DNAL1: variants seen among roughly 807,000 people sequenced by gnomAD.
DNAL1 encodes the protein chromosome 14 open reading frame 168.
A neutral mutation model predicts 29.4 loss-of-function variants in DNAL1; 17 were observed. That is an observed-to-expected ratio of 0.58 (90% CI 0.40 to 0.87). The LOEUF is 0.87. Ranked by LOEUF, DNAL1 falls within the 40% of genes least tolerant of loss-of-function variation. The pLI is 0.00. For synonymous variants in DNAL1, 78 were observed against 76.3 expected, an observed-to-expected ratio of 1.02 and a Z score of -0.12; for missense variants, 188 against 214.1, an observed-to-expected ratio of 0.88 and a Z score of 0.76.
At chr14:73,653,282 G>T (rs532725437) in intron 1 of DNAL1, 6 of 152,240 alleles carry the variant, frequency 3.9e-5, no homozygotes, top group African/African-American at 1.2e-4. Context: ...GTGTGTTTTG[G>T]GGGGGAACTC....
At chr14:73,671,640 A>C in intron 5 of DNAL1, 43 bp downstream of exon 5, 1 of 1,374,860 alleles carries the variant, frequency 7.3e-7, no homozygotes, top group Non-Finnish European at 9.5e-7. Flanking sequence ...TAATTTGCAC[A>C]CATCTATGAA....
chr14:73,649,418 G>A (rs1467420292), intron 1 of DNAL1, among the ~76,000 whole-genome samples: 1 of 151,084 alleles, frequency 6.6e-6, no homozygotes, highest in Non-Finnish European at 1.5e-5. Flanking sequence ...GAGTAGCTGG[G>A]ACTACAGGCG....
At chr14:73,667,887 C>T (rs1019209255) in intron 4 of DNAL1, among the ~76,000 whole-genome samples, 2 of 152,206 alleles carry the variant, frequency 1.3e-5, no homozygotes, top group Non-Finnish European at 2.9e-5. Context: ...CTCTCTCTCA[C>T]ATCCTCTCTA....
At chr14:73,654,700 G>C in intron 1 of DNAL1, 147 bp from the exon 2 acceptor site, 1 of 617,946 alleles carries the variant, frequency 1.6e-6, no homozygotes, top group Non-Finnish European at 2.5e-6. Flanking sequence ...CAGAGGTTGT[G>C]GTGAGCGGAA....
intron 7 of DNAL1, among the ~76,000 whole-genome samples, chr14:73,694,209 C>T (rs1388804406): frequency 2.7e-5 from 4 of 150,324 alleles, no homozygotes; most frequent in Admixed American, 6.7e-5. Context: ...AGTTCAAGTC[C>T]AGCCTGGGCA....
chr14:73,673,155 A>G (rs991529042), intron 5 of DNAL1: 1 of 152,218 alleles, frequency 6.6e-6, no homozygotes, highest in Non-Finnish European at 1.5e-5. Context: ...AATTTCAAAT[A>G]TAGAGACATT....
intron 6 of DNAL1, among the ~76,000 whole-genome samples, chr14:73,688,019 GA>G (rs909834197): frequency 1.5e-4 from 23 of 149,098 alleles, no homozygotes; most frequent in Middle Eastern, 3.4e-3. Flanking sequence ...GAAAGAACTT[GA>G]AAAAAAAAAT....
chr14:73,695,919 G>T lies in DNAL1; in HGVS notation c.550G>T (p.Gly184Trp), dbSNP rs1892290278. The T allele has an allele frequency of 1.3e-6, 2 of 1,588,488 alleles. No individual in the cohort carries two copies. Among genetic ancestry groups the T allele is most frequent in the African/African-American group, 1.3e-5 (1 of 74,554 alleles). ...CATTTTAGGTACTCCAGTAATTAAA[G>T]GGGATGAGGAAGAAGACAACTAATG... ...KKLDGTPVIK[G>W]DEEEDN The change falls in exon 8 of 8, where the codon GGG becomes TGG. Residue 184 changes from glycine (G) to tryptophan (W), a missense_variant. Coordinates refer to ENST00000553645, the MANE Select transcript of DNAL1 (RefSeq NM_031427.4).
intron 5 of DNAL1, among the ~76,000 whole-genome samples, chr14:73,685,546 A>G (rs1443901957): frequency 1.4e-5 from 2 of 145,816 alleles, no homozygotes; most frequent in Admixed American, 7.1e-5. Flanking sequence ...TCCAACCTCT[A>G]CCTCCCAGGT....
chr14:73,698,554 CAG>C lies in DNAL1; in HGVS notation c.*2615_*2616del, dbSNP rs1892354947. The C allele has an allele frequency of 2.0e-5, 3 of 151,882 alleles. No homozygotes were observed. Among genetic ancestry groups the C allele is most frequent in the African/African-American group, 4.8e-5 (2 of 41,304 alleles). The allele number at this position is 151,882 out of a possible 1,614,324, so 9.4% of individuals were successfully genotyped here. A position where few individuals can be genotyped will look rare whatever the true frequency, so the allele number is the denominator to read the frequency against. ...TGTTTGTTTGTTTGTTTGTTTTAAA[CAG>C]AGTCTCACTCCCGAGTAGCTGGGAC... is the stretch of plus-strand genomic sequence containing the variant. On this transcript the variant is annotated 3_prime_UTR_variant, in exon 8 of 8. Coordinates refer to ENST00000553645, the MANE Select transcript of DNAL1 (RefSeq NM_031427.4).
intron 1 of DNAL1, among the ~76,000 whole-genome samples, chr14:73,654,645 G>T (rs1027675052): frequency 2.0e-5 from 3 of 152,088 alleles, no homozygotes; most frequent in African/African-American, 7.2e-5. Flanking sequence ...TGTAGTCCCA[G>T]CTACTTGGGA....
At position 73,658,809 on chromosome 14, in the gene DNAL1, A is replaced by G. The variant is rs927254566; in HGVS notation, c.43-38A>G. The G allele has an allele frequency of 5.3e-6, 8 of 1,518,054 alleles. No homozygotes were observed. In the African/African-American group the frequency reaches 6.9e-5, roughly 13 times the overall value. 94.0% of individuals were successfully genotyped at this position (1,518,054 alleles called of 1,614,324 possible). A position where few individuals can be genotyped will look rare whatever the true frequency, so the allele number is the denominator to read the frequency against. On this transcript the variant is annotated intron_variant, in intron 2 of 7. Transcript: ENST00000553645. ...TGGCCTCTTTTGTTTCCACATTGCA[A>G]TCATGGGTTATTTCTTCCAAATGTA... is the stretch of plus-strand genomic sequence containing the variant.
intron 5 of DNAL1, among the ~76,000 whole-genome samples, chr14:73,678,818 A>G (rs1454335611): frequency 1.3e-5 from 2 of 152,196 alleles, no homozygotes; most frequent in Non-Finnish European, 2.9e-5. Flanking sequence ...GAGGAAAAAC[A>G]ATGAGGTGGA....
intron 3 of DNAL1, among the ~76,000 whole-genome samples, chr14:73,660,724 C>T (rs1203081489): frequency 6.6e-6 from 1 of 152,162 alleles, no homozygotes; most frequent in East Asian, 1.9e-4. Context: ...AAATCCACCA[C>T]CACATGCTTT....
intron 2 of DNAL1, among the ~76,000 whole-genome samples, chr14:73,655,567 G>A (rs778820103): frequency 2.6e-5 from 4 of 151,606 alleles, no homozygotes; most frequent in Non-Finnish European, 4.4e-5. Context: ...GGCTGGTCTC[G>A]AACTCCTGAC....
intron 3 of DNAL1, 93 bp downstream of exon 3, chr14:73,659,049 G>A: frequency 3.3e-6 from 3 of 920,138 alleles, no homozygotes; most frequent in Non-Finnish European, 4.7e-6. Context: ...GTTTTCTGTG[G>A]TCTTCATTTA....
At position 73,656,314 on chromosome 14, in the gene DNAL1, A is replaced by G. The variant is rs758422071; in HGVS notation, c.42+1429A>G. 3.4e-4 allele frequency among the ~76,000 whole-genome samples: 51 copies of G among 152,086 alleles called. 1 individual carries two copies. Among genetic ancestry groups the G allele is most frequent in the Non-Finnish European group, 6.5e-4 (44 of 68,006 alleles). ...AAGCATATGAAGTAGACTTAGTACCAGATTTCATTTTCCTTGAATTGGATT... is the reference window on the plus strand; with the variant it reads ...AAGCATATGAAGTAGACTTAGTACCGGATTTCATTTTCCTTGAATTGGATT... On this transcript the variant is annotated intron_variant, in intron 2 of 7. Transcript: ENST00000553645.
chr14:73,688,352 G>T (rs1219728025), intron 6 of DNAL1, among the ~76,000 whole-genome samples: 1 of 152,148 alleles, frequency 6.6e-6, no homozygotes, highest in Non-Finnish European at 1.5e-5. Flanking sequence ...GCTCTTGCTG[G>T]TAATCCCAAC....
At position 73,645,022 on chromosome 14, in the gene DNAL1, A is replaced by G; in HGVS notation, c.-18A>G. ...GCGGGCCCTAGCAACCAGAGCAGTG[A>G]CAGTAGCAACCGCCGGAATGGTGAG... On this transcript the variant is annotated 5_prime_UTR_variant, in exon 1 of 8. Coordinates refer to ENST00000553645, the MANE Select transcript of DNAL1 (RefSeq NM_031427.4). The G allele has an allele frequency of 1.9e-6, 3 of 1,609,448 alleles. No individual in the cohort carries two copies. Among genetic ancestry groups the G allele is most frequent in the Non-Finnish European group, 2.5e-6 (3 of 1,178,288 alleles).
Sources: gnomAD v4.1 joint callset for allele counts (sites outside exome capture counted in the v4.1 genomes callset) on GRCh38, gnomAD v4.1.1 for gene constraint, MANE v1.5 for transcripts, NCBI Gene and HGNC (gene_info 2026-07-23, HGNC 2026-07-21) for gene names.